The following DHX35 variants were observed in gnomAD, a reference collection of about 807,000 sequenced individuals.
DHX35 encodes probable ATP-dependent RNA helicase DHX35.
A neutral mutation model predicts 99.6 loss-of-function variants in DHX35; 84 were observed. The observed-to-expected ratio is 0.84, with a 90% CI of 0.71 to 1.01. The LOEUF (loss-of-function observed/expected upper bound fraction) is 1.01. DHX35 is among the 50% of genes least tolerant of loss of function. The pLI, the probability that DHX35 is intolerant of heterozygous loss-of-function variation, is 0.00. For missense variants in DHX35, 852 were observed against 888.5 expected, an observed-to-expected ratio of 0.96 and a Z score of 0.52; for synonymous variants, 331 against 316.2, an observed-to-expected ratio of 1.05 and a Z score of -0.50.
chr20:39,000,055 C>T (rs749514427), intron 8 of DHX35, among the ~76,000 whole-genome samples: 1 of 152,196 alleles, frequency 6.6e-6, no homozygotes, highest in Non-Finnish European at 1.5e-5. Flanking sequence ...GATGAGGAGG[C>T]CTAGACCTTG....
chr20:39,007,918 A>G (rs780003386), intron 12 of DHX35, among the ~76,000 whole-genome samples: 50 of 152,220 alleles, frequency 3.3e-4, no homozygotes, highest in Non-Finnish European at 4.0e-4. Context: ...TTTACATAAC[A>G]CAACATTAAA....
intron 3 of DHX35, among the ~76,000 whole-genome samples, chr20:38,979,355 A>G (rs573298691): frequency 6.6e-6 from 1 of 152,290 alleles, no homozygotes; most frequent in South Asian, 2.1e-4. Flanking sequence ...GCTGGCTCAA[A>G]ACACATGTGC....
chr20:39,002,350 T>A (rs990719442), intron 9 of DHX35, among the ~76,000 whole-genome samples: 11 of 152,174 alleles, frequency 7.2e-5, no homozygotes, highest in Admixed American at 2.0e-4. Context: ...TGGACTTGAT[T>A]TCTGAATCGT....
chr20:39,031,851 A>C (rs950260498), intron 20 of DHX35, among the ~76,000 whole-genome samples: 1 of 152,216 alleles, frequency 6.6e-6, no homozygotes, highest in African/African-American at 2.4e-5. Flanking sequence ...GAGAAGTAGC[A>C]GGGGCAGAGC....
intron 19 of DHX35, 98 bp downstream of exon 19, chr20:39,028,597 A>G: frequency 7.6e-7 from 1 of 1,324,056 alleles, no homozygotes; most frequent in Non-Finnish European, 1.1e-6. Flanking sequence ...TTGCATAATT[A>G]TTTGTAATTT....
chr20:39,032,984 C>G (rs2087082607), intron 20 of DHX35, among the ~76,000 whole-genome samples: 1 of 152,130 alleles, frequency 6.6e-6, no homozygotes, highest in South Asian at 2.1e-4. Flanking sequence ...CCACGCCTGT[C>G]ATCTCAGCAC....
intron 18 of DHX35, among the ~76,000 whole-genome samples, chr20:39,028,104 G>A (rs2145941325): frequency 6.6e-6 from 1 of 152,310 alleles, no homozygotes; most frequent in East Asian, 1.9e-4. Context: ...AGCCTGCAGA[G>A]CAGCACTCTT....
intron 12 of DHX35, among the ~76,000 whole-genome samples, chr20:39,006,791 G>A (rs1310097622): frequency 6.6e-6 from 1 of 152,218 alleles, no homozygotes; most frequent in Non-Finnish European, 1.5e-5. Context: ...AAGTGAAAAT[G>A]GAAGGTCTGT....
intron 7 of DHX35, among the ~76,000 whole-genome samples, chr20:38,992,978 C>T (rs1450269442): frequency 2.0e-5 from 3 of 152,166 alleles, no homozygotes; most frequent in African/African-American, 7.2e-5. Context: ...TAATGACCCC[C>T]ATGTACCCTT....
intron 1 of DHX35, 118 bp downstream of exon 1, chr20:38,962,525 G>C: frequency 7.7e-7 from 1 of 1,306,886 alleles, no homozygotes; most frequent in Non-Finnish European, 1.1e-6. Flanking sequence ...CGAGCTGGGC[G>C]CTGCCGCCTC....
intron 4 of DHX35, among the ~76,000 whole-genome samples, chr20:38,986,537 A>G (rs2086251591): frequency 6.6e-6 from 1 of 152,212 alleles, no homozygotes; most frequent in Non-Finnish European, 1.5e-5. Flanking sequence ...TTTTGTGGGT[A>G]CATCGTAGGT....
At chr20:39,037,251 C>T (rs1180853446) in intron 21 of DHX35, among the ~76,000 whole-genome samples, 1 of 152,196 alleles carries the variant, frequency 6.6e-6, no homozygotes, top group Non-Finnish European at 1.5e-5. Flanking sequence ...TTCAGCAAGA[C>T]CTACAGCTAG....
At position 39,006,343 on chromosome 20, in the gene DHX35, T is replaced by C. The variant is rs771041610; in HGVS notation, c.1209T>C (p.Tyr403=). 5.0e-6 allele frequency: 8 copies of C among 1,614,050 alleles called. No individual in the cohort carries two copies. The Admixed American group carries it at 6.7e-5, about 13-fold the overall frequency. ...RGGRSRSGKC[Y]RLYTEEAFDK... ...GTCGTAGTCGCTCGGGAAAATGTTA[T>C]CGCCTTTATACAGGTTAGTGTGGCT... The change falls in exon 12 of 22, where the codon TAT becomes TAC. Residue 403 remains tyrosine, a synonymous_variant. Transcript: ENST00000252011.
At chr20:39,002,896 T>G in intron 10 of DHX35, 28 bp downstream of exon 10, 1 of 1,582,266 alleles carries the variant, frequency 6.3e-7, no homozygotes, top group South Asian at 1.1e-5. Flanking sequence ...CTCTGATGAA[T>G]AGACATGTTA....
chr20:39,015,485 T>C (rs1440068407), intron 14 of DHX35, among the ~76,000 whole-genome samples: 2 of 150,880 alleles, frequency 1.3e-5, no homozygotes, highest in African/African-American at 4.9e-5. Flanking sequence ...AACCCGCAAT[T>C]GCTTTTGTCC....
chr20:39,021,936 G>T lies in DHX35; in HGVS notation c.1593+1G>T. ...CCCCCCAAACCAGAAGTCTCACGCA[G>T]TAAGTCAGCTCTGTCCCCAGGCTGT... On this transcript the variant is annotated splice_donor_variant, in intron 16 of 21. Coordinates refer to ENST00000252011, the MANE Select transcript of DHX35 (RefSeq NM_021931.4). LOFTEE classifies it high-confidence loss of function. 1 of 1,614,066 alleles carries T rather than the reference G, an allele frequency of 6.2e-7. No homozygotes were observed. The highest frequency in any genetic ancestry group is 8.5e-7 in the Non-Finnish European group (1 of 1,179,926).
chr20:38,969,043 G>A (rs773174927), intron 1 of DHX35, 38 bp from the exon 2 acceptor site: 21 of 1,564,982 alleles, frequency 1.3e-5, no homozygotes, highest in Admixed American at 2.0e-5. Context: ...TCTGTTCATT[G>A]TATCAGAGAA....
chr20:38,993,808 C>G (rs576838452), intron 7 of DHX35, among the ~76,000 whole-genome samples: 1 of 151,586 alleles, frequency 6.6e-6, no homozygotes, highest in South Asian at 2.1e-4. Context: ...TTCTTTTAGA[C>G]ATAGGTACTG....
chr20:38,983,518 A>G (rs1026096891), intron 3 of DHX35, among the ~76,000 whole-genome samples, 181 bp from the exon 4 acceptor site: 4 of 152,144 alleles, frequency 2.6e-5, no homozygotes, highest in African/African-American at 9.7e-5. Context: ...ACTTAAGTAA[A>G]TCACCTAACA....
Sources: gnomAD v4.1 joint callset for allele counts (sites outside exome capture counted in the v4.1 genomes callset) on GRCh38, gnomAD v4.1.1 for gene constraint, MANE v1.5 for transcripts, NCBI Gene and HGNC (gene_info 2026-07-23, HGNC 2026-07-21) for gene names.